Variants in TMTC1 observed in about 807,000 individuals in gnomAD.
TMTC1 encodes the protein protein O-mannosyl-transferase TMTC1.
Under a neutral mutation model 104.8 loss-of-function variants are expected in TMTC1, and 73 were observed. The ratio of observed to expected loss-of-function variants is 0.70; its 90% CI spans 0.58 to 0.85. The LOEUF (loss-of-function observed/expected upper bound fraction) is 0.85, where lower values mean the gene tolerates loss of function less well. Ranked by LOEUF, TMTC1 falls within the 40% of genes least tolerant of loss-of-function variation. The pLI, the probability that TMTC1 is intolerant of heterozygous loss-of-function variation, is 0.00. For synonymous variants in TMTC1, 434 were observed against 428.7 expected, an observed-to-expected ratio of 1.01 and a Z score of -0.15; for missense variants, 1,035 against 1,096.1, an observed-to-expected ratio of 0.94 and a Z score of 0.79.
rs543562881 is a variant in TMTC1 at position 29,596,493 on chromosome 12, ATGT to A, written c.1250+7682_1250+7684del. 4.6e-3 allele frequency among the ~76,000 whole-genome samples: 699 copies of A among 152,322 alleles called. 3 individuals are homozygous for A. The highest frequency in any genetic ancestry group is 6.8e-3 in the Non-Finnish European group (463 of 68,024). ...TCACTCCTGCTATGAAAAGAGAATC[ATGT>A]TGTTTTAAGATGACCATAATAAAAA... On this transcript the variant is annotated intron_variant, in intron 7 of 17. Coordinates refer to ENST00000539277, the MANE Select transcript of TMTC1 (RefSeq NM_001193451.2).
At chr12:29,603,958 T>C (rs1946630230) in intron 7 of TMTC1, among the ~76,000 whole-genome samples, 1 of 152,198 alleles carries the variant, frequency 6.6e-6, no homozygotes, top group African/African-American at 2.4e-5. Flanking sequence ...ATTTAAACTA[T>C]AAAGTTTGCA....
rs1418086041 is a variant in TMTC1 at position 29,501,140 on chromosome 12, AG to A, written c.*5705del. On this transcript the variant is annotated 3_prime_UTR_variant, in exon 18 of 18. Transcript: ENST00000539277. The stretch of plus-strand genomic sequence containing the variant: ...TATAAAAGCAAGCCATGGCTTCTAC[AG>A]ATATTTTAATTCCTTGGGAGGAAGT... The A allele has an allele frequency of 2.0e-5, 3 of 152,292 alleles. No individual in the cohort carries two copies. Among genetic ancestry groups the A allele is most frequent in the African/African-American group, 7.2e-5 (3 of 41,462 alleles). 9.4% of individuals were successfully genotyped at this position (152,292 alleles called of 1,614,324 possible).
In TMTC1 at chr12:29,668,454, C is replaced by CTTTTTTTTTTT. The variant is rs66652706; in HGVS notation, c.939-35129_939-35119dup. ...CCACATTCAAACCATACCAACTTAT[C>CTTTTTTTTTTT]TTTTTTTTTTTTTTTTTTTTTTTTG... On this transcript the variant is annotated intron_variant, in intron 5 of 17. Coordinates refer to ENST00000539277, the MANE Select transcript of TMTC1 (RefSeq NM_001193451.2). Among the ~76,000 whole-genome samples the CTTTTTTTTTTT allele has an allele frequency of 4.2e-3, 379 of 90,076 alleles. 20 individuals carry two copies. Among genetic ancestry groups the CTTTTTTTTTTT allele is most frequent in the Middle Eastern group, 6.3e-3 (1 of 158 alleles). 59.1% of individuals were successfully genotyped at this position (90,076 alleles called of 152,430 possible).
chr12:29,501,871 A>T lies in TMTC1; in HGVS notation c.*4975T>A, dbSNP rs549188700. The T allele has an allele frequency of 6.6e-6, 1 of 152,250 alleles. No individual in the cohort carries two copies. Among genetic ancestry groups the T allele is most frequent in the East Asian group, 1.9e-4 (1 of 5,178 alleles). The allele number at this position is 152,250 out of a possible 1,614,324, so 9.4% of individuals were successfully genotyped here. On this transcript the variant is annotated 3_prime_UTR_variant, in exon 18 of 18. Coordinates refer to ENST00000539277, the MANE Select transcript of TMTC1 (RefSeq NM_001193451.2). ...AAGATCTTATCAATTCTGTTGTGCC[A>T]CTTTGATTGATATTAAACCATACTT...
intron 13 of TMTC1, 84 bp downstream of exon 13, chr12:29,518,387 CA>C: frequency 1.4e-6 from 2 of 1,460,360 alleles, no homozygotes; most frequent in Non-Finnish European, 1.8e-6. Context: ...ATTCTGAGAG[CA>C]CACCTATTCT....
rs1318661739 is a variant in TMTC1 at position 29,514,595 on chromosome 12, C to A, written c.2317G>T (p.Ala773Ser). 1 of 1,611,388 alleles carries A rather than the reference C, an allele frequency of 6.2e-7. No homozygotes were observed. Among genetic ancestry groups the A allele is most frequent in the Non-Finnish European group, 8.5e-7 (1 of 1,179,426 alleles). ...KQENHDKALD[A>S]IDKALQLKPK... is the part of the protein sequence containing the mutation. ...TTCAGCTGGAGAGCCTTGTCTATAG[C>A]ATCAAGTGCCTGCAGAGGTTGGAAA... Residue 773 changes from alanine to serine, a missense_variant, in exon 16 of 18, where the codon GCT (alanine) becomes TCT (serine). Ala to Ser is a moderately conservative substitution (Grantham distance 99). Transcript: ENST00000539277.
intron 5 of TMTC1, among the ~76,000 whole-genome samples, chr12:29,672,454 G>T (rs1940554088): frequency 6.6e-6 from 1 of 152,114 alleles, no homozygotes; most frequent in Admixed American, 6.5e-5. Flanking sequence ...TGCAGGCCAG[G>T]TCAGTCCATT....
At chr12:29,780,626 C>A (rs1323472908) in intron 1 of TMTC1, among the ~76,000 whole-genome samples, 1 of 151,476 alleles carries the variant, frequency 6.6e-6, no homozygotes. Flanking sequence ...TATGATAAAG[C>A]TGCATAAAAC....
chr12:29,760,855 C>T (rs1190015064), intron 2 of TMTC1, among the ~76,000 whole-genome samples: 1 of 148,518 alleles, frequency 6.7e-6, no homozygotes, highest in Non-Finnish European at 1.5e-5. Flanking sequence ...AATTATAATA[C>T]TGTATTTATT....
chr12:29,685,489 G>C (rs1247310941), intron 5 of TMTC1, among the ~76,000 whole-genome samples: 1 of 151,786 alleles, frequency 6.6e-6, no homozygotes, highest in Non-Finnish European at 1.5e-5. Context: ...ATTAACCTTA[G>C]CTTAAAAAGA....
chr12:29,643,167 A>C (rs1312569200), intron 5 of TMTC1, among the ~76,000 whole-genome samples: 2 of 151,924 alleles, frequency 1.3e-5, no homozygotes, highest in Non-Finnish European at 2.9e-5. Flanking sequence ...GGATGTGGTG[A>C]ACAGGGAACA....
rs77999566 is a variant in TMTC1, at chr12:29,566,040, C to T, written c.1532+6065G>A. 6.7e-3 allele frequency among the ~76,000 whole-genome samples: 1,025 copies of T among 152,058 alleles called. 21 individuals carry two copies. The highest frequency in any genetic ancestry group is 0.054 in the East Asian group (277 of 5,152). On this transcript the variant is annotated intron_variant, in intron 9 of 17. Transcript: ENST00000539277. ...TTAACAAAACGATAGGTGAGTAGAG[C>T]GGAGGGTGATAAATGGAGAAAAATG...
chr12:29,517,724 C>CT lies in TMTC1; in HGVS notation c.2025-154dup, dbSNP rs903782551. Among the ~76,000 whole-genome samples, 9 of 151,198 alleles carry CT rather than the reference C, an allele frequency of 6.0e-5. No homozygotes were observed. In the South Asian group the frequency reaches 8.4e-4, roughly 14 times the overall value. ...TCAATAACAAGGTTTTTGGCTTTTT[C>CT]TTTTTTTTTGAGACAGAGTCTCACT... On this transcript the variant is annotated intron_variant, in intron 13 of 17. Coordinates refer to ENST00000539277, the MANE Select transcript of TMTC1 (RefSeq NM_001193451.2).
intron 1 of TMTC1, among the ~76,000 whole-genome samples, chr12:29,777,159 A>G (rs1305182299): frequency 6.6e-6 from 1 of 151,872 alleles, no homozygotes; most frequent in Non-Finnish European, 1.5e-5. Context: ...CGGTGGTGCA[A>G]TCTCGGCTCA....
rs1565824149 is a variant in TMTC1 at position 29,767,923 on chromosome 12, G to A, written c.455C>T (p.Ala152Val). Residue 152 changes from alanine (A) to valine (V), a missense_variant, in exon 2 of 18, where the codon GCT (alanine) becomes GTT (valine). Coordinates refer to ENST00000539277, the MANE Select transcript of TMTC1 (RefSeq NM_001193451.2). ...CGCCTCAGTATGAATAGGATGTACA[G>A]CAAAAAGCAATGCCGTTACAAAAGC... ...GLAFVTALLF[A>V]VHPIHTEAVA... is the part of the protein sequence containing the mutation. 1 of 1,613,694 alleles carries A rather than the reference G, an allele frequency of 6.2e-7. No homozygotes were observed. The highest frequency in any genetic ancestry group is 8.5e-7 in the Non-Finnish European group (1 of 1,179,830).
chr12:29,570,135 G>A (rs1945627124), intron 9 of TMTC1, among the ~76,000 whole-genome samples: 1 of 151,678 alleles, frequency 6.6e-6, no homozygotes, highest in Non-Finnish European at 1.5e-5. Context: ...CAAACTTACT[G>A]CCCTTTTTCT....
At chr12:29,584,239 A>G (rs895436086) in intron 7 of TMTC1, among the ~76,000 whole-genome samples, 1 of 152,178 alleles carries the variant, frequency 6.6e-6, no homozygotes, top group Non-Finnish European at 1.5e-5. Context: ...GTATATCAGC[A>G]TTACGTCTCT....
chr12:29,563,908 G>A (rs1945442503), intron 9 of TMTC1, among the ~76,000 whole-genome samples: 1 of 152,130 alleles, frequency 6.6e-6, no homozygotes, highest in Non-Finnish European at 1.5e-5. Context: ...AAGCTGAGCT[G>A]GAGCTGACAG....
At chr12:29,575,979 C>T (rs954987937) in intron 8 of TMTC1, among the ~76,000 whole-genome samples, 6 of 152,120 alleles carry the variant, frequency 3.9e-5, no homozygotes, top group African/African-American at 9.7e-5. Flanking sequence ...TTTTGATCTG[C>T]GTTTCCCTGA....
Sources: allele counts gnomAD v4.1 joint callset (sites outside exome capture counted in the v4.1 genomes callset), GRCh38; gene constraint gnomAD v4.1.1; transcripts MANE v1.5; gene names NCBI Gene and HGNC (gene_info 2026-07-23, HGNC 2026-07-21).